The following RRM2 variants were observed in gnomAD, a reference collection of about 807,000 sequenced individuals.
The protein encoded by RRM2 is ribonucleotide reductase regulatory subunit M2, also known as ribonucleoside-diphosphate reductase subunit M2.
Under a neutral mutation model 45.9 loss-of-function variants are expected in RRM2, and 6 were observed. The observed-to-expected ratio is 0.13, with a 90% CI of 0.07 to 0.26. The LOEUF (loss-of-function observed/expected upper bound fraction) is 0.26. Ranked by LOEUF, RRM2 falls within the 10% of genes least tolerant of loss-of-function variation. The pLI is 1.00. For missense variants in RRM2, 343 were observed against 489.5 expected, an observed-to-expected ratio of 0.70 and a Z score of 2.82; for synonymous variants, 177 against 173.0, an observed-to-expected ratio of 1.02 and a Z score of -0.18.
At chr2:10,176,629 T>C (rs530958550) in intron 3 of RRM2, among the ~76,000 whole-genome samples, 1 of 139,072 alleles carries the variant, frequency 7.2e-6, no homozygotes, top group East Asian at 2.0e-4. Context: ...ACATTTTGTA[T>C]CTGGTTTCTT....
At chr2:10,163,871 G>A (rs1663623523) in intron 3 of RRM2, among the ~76,000 whole-genome samples, 1 of 152,228 alleles carries the variant, frequency 6.6e-6, no homozygotes, top group African/African-American at 2.4e-5. Context: ...TGTGACGTTG[G>A]GGATGCCCCT....
chr2:10,156,840 A>G (rs1026102490), intron 3 of RRM2, among the ~76,000 whole-genome samples: 2 of 151,840 alleles, frequency 1.3e-5, no homozygotes, highest in African/African-American at 2.4e-5. Context: ...GGGTTTCGCT[A>G]TGCTGCCAGG....
intron 3 of RRM2, among the ~76,000 whole-genome samples, chr2:10,178,475 G>A (rs1299791338): frequency 1.4e-5 from 2 of 143,178 alleles, no homozygotes; most frequent in South Asian, 2.3e-4. Flanking sequence ...CACCTGTCTC[G>A]GCCTCCCAAA....
chr2:10,171,776 G>A lies in RRM2; in HGVS notation n.482+29401G>A, dbSNP rs1219824039. On this transcript the variant is annotated intron_variant and non_coding_transcript_variant, in intron 3 of 3. Transcript: ENST00000381786. The surrounding 1 kb of genome is among the most constrained non-coding windows in gnomAD (Gnocchi z 4.1). ...TCACAGACACCTCTCCACCAGCAACGTCCCTGAAACAGTCTTTCTTATTAA... is the reference window on the plus strand; with the variant it reads ...TCACAGACACCTCTCCACCAGCAACATCCCTGAAACAGTCTTTCTTATTAA... Among the ~76,000 whole-genome samples the A allele has an allele frequency of 6.6e-6, 1 of 152,202 alleles. No homozygotes were observed. The highest frequency in any genetic ancestry group is 1.5e-5 in the Non-Finnish European group (1 of 68,040).
intron 3 of RRM2, among the ~76,000 whole-genome samples, chr2:10,188,289 C>T (rs550121206): frequency 3.3e-5 from 5 of 152,264 alleles, no homozygotes; most frequent in South Asian, 2.1e-4. Context: ...GGGCTCACAC[C>T]GCAGGAATAT....
chr2:10,190,056 ATGG>A (rs1175252605), intron 3 of RRM2, among the ~76,000 whole-genome samples: 2 of 134,414 alleles, frequency 1.5e-5, no homozygotes, highest in Admixed American at 1.4e-4. Context: ...ATTGGTGGTG[ATGG>A]TGGTGGTGAT....
At chr2:10,173,198 C>T (rs1423479580) in intron 3 of RRM2, among the ~76,000 whole-genome samples, 2 of 152,104 alleles carry the variant, frequency 1.3e-5, no homozygotes, top group African/African-American at 4.8e-5. Context: ...ATGAGGTGTG[C>T]GAAGCTTGGC....
At chr2:10,152,547 A>C (rs1301645243) in intron 3 of RRM2, among the ~76,000 whole-genome samples, 2 of 145,832 alleles carry the variant, frequency 1.4e-5, no homozygotes, top group Non-Finnish European at 3.0e-5. Flanking sequence ...CAGTGGTGTG[A>C]TCTTGGCTCA....
At chr2:10,123,091 A>T (rs1483279807) in intron 2 of RRM2, 34 bp downstream of exon 2, 2 of 1,530,004 alleles carry the variant, frequency 1.3e-6, no homozygotes, top group East Asian at 2.4e-5. Context: ...GGGGCCAGGG[A>T]CGGCCTTGGG....
intron 3 of RRM2, among the ~76,000 whole-genome samples, chr2:10,165,479 G>C (rs1225740876): frequency 1.3e-5 from 2 of 152,266 alleles, no homozygotes; most frequent in Non-Finnish European, 2.9e-5. Context: ...GCCAACAGGG[G>C]TGAGGACCAC....
intron 3 of RRM2, among the ~76,000 whole-genome samples, chr2:10,154,194 C>G (rs1356348264): frequency 6.6e-6 from 1 of 152,222 alleles, no homozygotes; most frequent in Non-Finnish European, 1.5e-5. Context: ...GCCAGGCAGG[C>G]TGGGCGTGGT....
At chr2:10,126,633 A>G (rs1662785166) in intron 5 of RRM2, 2 of 524,712 alleles carry the variant, frequency 3.8e-6, no homozygotes, top group African/African-American at 1.9e-5. Flanking sequence ...CTGAAGCTCA[A>G]TATGAACTAC....
intron 3 of RRM2, among the ~76,000 whole-genome samples, chr2:10,174,884 G>GA (rs35846958): frequency 1.7e-5 from 2 of 118,326 alleles, no homozygotes; most frequent in African/African-American, 2.8e-5. Context: ...AAAAAAAAAA[G>GA]AAAAAATGTT....
At chr2:10,146,692 C>A (rs1663193730) in intron 3 of RRM2, among the ~76,000 whole-genome samples, 1 of 152,110 alleles carries the variant, frequency 6.6e-6, no homozygotes, top group Non-Finnish European at 1.5e-5. Context: ...ATGGATCAGG[C>A]CTTGAGAGGG....
chr2:10,190,854 G>A (rs562111460), intron 3 of RRM2, among the ~76,000 whole-genome samples: 1 of 151,956 alleles, frequency 6.6e-6, no homozygotes, highest in Non-Finnish European at 1.5e-5. Context: ...GGCAGAGATG[G>A]TTACAATGCT....
At chr2:10,178,223 CTTTTTT>C (rs34044826) in intron 3 of RRM2, among the ~76,000 whole-genome samples, 2 of 125,362 alleles carry the variant, frequency 1.6e-5, no homozygotes. Flanking sequence ...ACCGTGCAGG[CTTTTTT>C]TTTTTTTTTT....
downstream of RRM2, among the ~76,000 whole-genome samples, chr2:10,132,108 T>C (rs1662913868): frequency 6.6e-6 from 1 of 152,186 alleles, no homozygotes; most frequent in Admixed American, 6.5e-5. Context: ...CCACCCACTT[T>C]GATAAAGCCT....
intron 3 of RRM2, among the ~76,000 whole-genome samples, chr2:10,163,870 G>A (rs530543686): frequency 1.2e-4 from 19 of 152,336 alleles, no homozygotes; most frequent in African/African-American, 1.7e-4. Flanking sequence ...GTGTGACGTT[G>A]GGGATGCCCC....
At chr2:10,137,333 G>A (rs926729593), upstream of RRM2, among the ~76,000 whole-genome samples, 2 of 152,186 alleles carry the variant, frequency 1.3e-5, no homozygotes, top group African/African-American at 4.8e-5. Context: ...ATGCTGGTCC[G>A]CCCAAGGAAT....
Sources: gnomAD v4.1 joint callset for allele counts (sites outside exome capture counted in the v4.1 genomes callset) on GRCh38, gnomAD v4.1.1 for gene constraint, Gnocchi (gnomAD v3.1) non-coding constraint, MANE v1.5 for transcripts, NCBI Gene and HGNC (gene_info 2026-07-23, HGNC 2026-07-21) for gene names.